BBX: variants seen among roughly 807,000 people sequenced by gnomAD.
The protein encoded by BBX is BBX high mobility group box domain containing.
In BBX, 30 loss-of-function variants were observed where a neutral mutation model predicts 100.2. The ratio of observed to expected loss-of-function variants is 0.30; its 90% confidence interval spans 0.22 to 0.41. The LOEUF is 0.41. Among genes scored for constraint, BBX ranks in the 10% least tolerant of loss-of-function variants. BBX has a pLI of 1.00. For synonymous variants in BBX, 376 were observed against 388.1 expected (o/e 0.97, Z 0.37); for missense variants, 1,023 against 1,129.8 (o/e 0.91, Z 1.35).
intron 8 of BBX, 70 bp from the exon 9 acceptor site, chr3:107,747,894 AT>A: frequency 1.5e-6 from 2 of 1,318,120 alleles, no homozygotes; most frequent in Non-Finnish European, 2.2e-6. Context: ...AGTTGAAAAT[AT>A]ATGGCAGAAT....
At chr3:107,573,008 T>TATTC (rs950792263) in intron 2 of BBX, among the ~76,000 whole-genome samples, 1 of 152,198 alleles carries the variant, frequency 6.6e-6, no homozygotes, top group African/African-American at 2.4e-5. Flanking sequence ...ACAATGAAAA[T>TATTC]ATTATATTCA....
intron 2 of BBX, among the ~76,000 whole-genome samples, chr3:107,582,629 C>G (rs886231996): frequency 6.6e-6 from 1 of 151,934 alleles, no homozygotes; most frequent in Admixed American, 6.6e-5. Flanking sequence ...TAATATTATC[C>G]TACCTTAAAT....
At chr3:107,676,019 A>G (rs961405764) in intron 3 of BBX, among the ~76,000 whole-genome samples, 1 of 152,208 alleles carries the variant, frequency 6.6e-6, no homozygotes, top group Non-Finnish European at 1.5e-5. Flanking sequence ...TTTTTAAAAT[A>G]AAAACTTTTT....
At chr3:107,689,624 G>T (rs1436159094) in intron 3 of BBX, among the ~76,000 whole-genome samples, 2 of 152,170 alleles carry the variant, frequency 1.3e-5, no homozygotes, top group Non-Finnish European at 1.5e-5. Context: ...GTGCTGTCTT[G>T]TTCCGATTCC....
chr3:107,791,367 T>A, intron 15 of BBX, 68 bp downstream of exon 15: 1 of 1,332,784 alleles, frequency 7.5e-7, no homozygotes, highest in Non-Finnish European at 1.1e-6. Context: ...GTATAGGTTT[T>A]TAAAAGGTAT....
At chr3:107,549,161 AAAAT>A (rs1461455377) in intron 2 of BBX, among the ~76,000 whole-genome samples, 1 of 152,218 alleles carries the variant, frequency 6.6e-6, no homozygotes, top group African/African-American at 2.4e-5. Flanking sequence ...TAGAATATGA[AAAAT>A]AAATAGTAAA....
At chr3:107,601,165 G>T (rs1177514732) in intron 2 of BBX, among the ~76,000 whole-genome samples, 1 of 152,176 alleles carries the variant, frequency 6.6e-6, no homozygotes, top group Non-Finnish European at 1.5e-5. Context: ...GGTAAAAGTT[G>T]TGTGTTCTGA....
At position 107,802,829 on chromosome 3, in the gene BBX, G is replaced by A. The variant is rs575772165; in HGVS notation, c.2738+1548G>A. Among the ~76,000 whole-genome samples the A allele has an allele frequency of 1.8e-4, 27 of 152,150 alleles. 1 individual carries two copies. Among genetic ancestry groups the A allele is most frequent in the South Asian group, 1.0e-3 (5 of 4,820 alleles). On this transcript the variant is annotated intron_variant, in intron 17 of 17. Coordinates refer to ENST00000325805, the MANE Select transcript of BBX (RefSeq NM_001142568.3). Reference sequence around the variant, plus strand: ...GAATCACTTACCCCTTTCCAGATACGCCAAGCTCTTGCCTTGTACATCCTC... The same window carrying A: ...GAATCACTTACCCCTTTCCAGATACACCAAGCTCTTGCCTTGTACATCCTC...
At chr3:107,600,704 A>C (rs894890505) in intron 2 of BBX, among the ~76,000 whole-genome samples, 2 of 152,202 alleles carry the variant, frequency 1.3e-5, no homozygotes, top group African/African-American at 4.8e-5. Context: ...AACAGGAGTT[A>C]ATCTTCATGA....
intron 2 of BBX, among the ~76,000 whole-genome samples, chr3:107,600,316 A>G (rs952845510): frequency 6.6e-6 from 1 of 152,228 alleles, no homozygotes; most frequent in Non-Finnish European, 1.5e-5. Context: ...TTGTTCTGTT[A>G]TAGAAAGTTT....
intron 2 of BBX, among the ~76,000 whole-genome samples, chr3:107,602,712 A>T (rs2054146563): frequency 6.6e-6 from 1 of 152,218 alleles, no homozygotes; most frequent in Non-Finnish European, 1.5e-5. Flanking sequence ...GAAAACTGAA[A>T]TTAGAAGTGG....
Position 107,716,683 on chromosome 3 carries a change from C to G in BBX, c.239C>G (p.Ala80Gly), listed in dbSNP as rs1426706613. ...GATGATGAATCACCAGAGCAGCGAG[C>G]CCGGAGACCAATGAATGCATTTCTT... The part of the protein sequence containing the change: ...TEDDESPEQR[A>G]RRPMNAFLLF... The change falls in exon 5 of 18, where the codon GCC (alanine) becomes GGC (glycine). Residue 80 changes from alanine to glycine, a missense_variant. Physicochemically the swap from Ala to Gly is moderately conservative, Grantham distance 60. Transcript: ENST00000325805. 4 of 1,613,698 alleles carry G rather than the reference C, an allele frequency of 2.5e-6. No homozygotes were observed. The highest frequency in any genetic ancestry group is 3.4e-6 in the Non-Finnish European group (4 of 1,179,822).
chr3:107,578,182 G>C (rs963379933), intron 2 of BBX, among the ~76,000 whole-genome samples: 3 of 152,160 alleles, frequency 2.0e-5, no homozygotes, highest in African/African-American at 7.2e-5. Flanking sequence ...CTGTTGTAAA[G>C]AATCAGCTCT....
At chr3:107,525,002 C>T (rs1322832975) in intron 1 of BBX, among the ~76,000 whole-genome samples, 7 of 151,390 alleles carry the variant, frequency 4.6e-5, no homozygotes, top group African/African-American at 2.4e-5. Flanking sequence ...GGTACTTTCC[C>T]CGCGCGGGGA....
At chr3:107,781,529 G>A (rs981075928) in intron 13 of BBX, among the ~76,000 whole-genome samples, 1 of 152,024 alleles carries the variant, frequency 6.6e-6, no homozygotes, top group Non-Finnish European at 1.5e-5. Flanking sequence ...ATTTTTAAAG[G>A]AAAGCTTTAA....
At chr3:107,540,931 T>C (rs1035018569) in intron 2 of BBX, among the ~76,000 whole-genome samples, 2 of 152,210 alleles carry the variant, frequency 1.3e-5, no homozygotes, top group African/African-American at 4.8e-5. Context: ...TGGTTAAAAA[T>C]TCTTATTTTA....
intron 7 of BBX, among the ~76,000 whole-genome samples, chr3:107,744,102 A>C (rs1260613849): frequency 6.6e-6 from 1 of 152,024 alleles, no homozygotes; most frequent in African/African-American, 2.4e-5. Context: ...ATCACACTGA[A>C]TTGGGGTTAA....
chr3:107,758,818 A>C (rs763622923), intron 10 of BBX, among the ~76,000 whole-genome samples: 4 of 152,022 alleles, frequency 2.6e-5, no homozygotes, highest in Non-Finnish European at 5.9e-5. Context: ...AGTTAGTTAT[A>C]CCTCCCCCAT....
intron 10 of BBX, 121 bp from the exon 11 acceptor site, chr3:107,772,507 T>C (rs554368815): frequency 3.6e-6 from 4 of 1,097,338 alleles, no homozygotes; most frequent in East Asian, 2.7e-5. Flanking sequence ...GGGCTGATTG[T>C]TGTAAAGTTT....
Sources: allele counts gnomAD v4.1 joint callset (sites outside exome capture counted in the v4.1 genomes callset), GRCh38; gene constraint gnomAD v4.1.1; transcripts MANE v1.5; gene names NCBI Gene and HGNC (gene_info 2026-07-23, HGNC 2026-07-21).